Variants in ATF7IP2 observed in about 807,000 individuals in gnomAD.
ATF7IP2 encodes the protein activating transcription factor 7-interacting protein 2.
A neutral mutation model predicts 64.2 loss-of-function variants in ATF7IP2; 42 were observed. The ratio of observed to expected loss-of-function variants is 0.65; its 90% CI spans 0.51 to 0.85. ATF7IP2 has a LOEUF of 0.85. Among genes scored for constraint, ATF7IP2 ranks in the 40% least tolerant of loss-of-function variants. The pLI is 0.00. For synonymous variants in ATF7IP2, 308 were observed against 272.8 expected (o/e 1.13, Z -1.27); for missense variants, 933 against 784.2 (o/e 1.19, Z -2.27).
intron 9 of ATF7IP2, among the ~76,000 whole-genome samples, chr16:10,465,428 G>T (rs755791514): frequency 1.3e-5 from 2 of 151,860 alleles, no homozygotes; most frequent in Non-Finnish European, 2.9e-5. Flanking sequence ...AGTTTCCTCA[G>T]TTTCCCTCCC....
intron 9 of ATF7IP2, among the ~76,000 whole-genome samples, chr16:10,469,397 T>C (rs2142058379): frequency 6.6e-6 from 1 of 152,044 alleles, no homozygotes; most frequent in East Asian, 1.9e-4. Context: ...GAAGATACAG[T>C]GTCTGAAAAT....
intron 8 of ATF7IP2, chr16:10,449,395 C>G (rs775500218): frequency 1.1e-4 from 16 of 152,320 alleles, no homozygotes; most frequent in African/African-American, 3.6e-4. Context: ...ACCAGCTCCT[C>G]TTTGTACCTC....
intron 9 of ATF7IP2, among the ~76,000 whole-genome samples, chr16:10,466,528 A>G (rs9935483): frequency 0.082 from 12,249 of 149,566 alleles, 1,019 homozygotes; most frequent in African/African-American, 0.21. Flanking sequence ...ATCCTTGCCA[A>G]CTCTTGGTGG....
intron 1 of ATF7IP2, among the ~76,000 whole-genome samples, chr16:10,390,262 A>G (rs1368472847): frequency 2.6e-5 from 4 of 152,220 alleles, no homozygotes; most frequent in Admixed American, 6.5e-5. Flanking sequence ...ACTTCGAACT[A>G]TAACAGGAAA....
intron 1 of ATF7IP2, among the ~76,000 whole-genome samples, chr16:10,404,054 G>T (rs2047586286): frequency 6.6e-6 from 1 of 152,114 alleles, no homozygotes; most frequent in Admixed American, 6.5e-5. Flanking sequence ...TCTAGCAAAA[G>T]ATTCAGACAT....
intron 9 of ATF7IP2, among the ~76,000 whole-genome samples, chr16:10,459,762 G>A (rs1324555073): frequency 7.9e-5 from 12 of 152,124 alleles, no homozygotes; most frequent in African/African-American, 2.7e-4. Context: ...AAATAAATTC[G>A]TGGCAAACTC....
intron 13 of ATF7IP2, 148 bp downstream of exon 13, chr16:10,481,112 A>T (rs2050206690): frequency 3.3e-6 from 2 of 612,250 alleles, no homozygotes; most frequent in Admixed American, 6.1e-5. Flanking sequence ...ATACAATTAA[A>T]ATTATTCAGT....
intron 8 of ATF7IP2, among the ~76,000 whole-genome samples, chr16:10,443,577 C>G (rs2048702734): frequency 6.6e-6 from 1 of 152,198 alleles, no homozygotes; most frequent in South Asian, 2.1e-4. Context: ...GGTATCCAGT[C>G]TCAATTGCTA....
At chr16:10,461,085 T>C (rs2142024965) in intron 9 of ATF7IP2, among the ~76,000 whole-genome samples, 1 of 152,258 alleles carries the variant, frequency 6.6e-6, no homozygotes, top group South Asian at 2.1e-4. Flanking sequence ...AATATACATA[T>C]GAAAAGGTGT....
At chr16:10,396,428 G>A (rs867246191) in intron 1 of ATF7IP2, among the ~76,000 whole-genome samples, 9 of 152,026 alleles carry the variant, frequency 5.9e-5, no homozygotes, top group African/African-American at 1.2e-4. Flanking sequence ...CTATGCTGTC[G>A]GGGTCATATC....
At chr16:10,458,905 G>A (rs1441742065) in intron 9 of ATF7IP2, among the ~76,000 whole-genome samples, 1 of 152,192 alleles carries the variant, frequency 6.6e-6, no homozygotes, top group Non-Finnish European at 1.5e-5. Flanking sequence ...AATTAATGTG[G>A]CTGGGCGCGG....
chr16:10,440,156 A>T (rs1387602509), intron 7 of ATF7IP2, among the ~76,000 whole-genome samples: 1 of 151,910 alleles, frequency 6.6e-6, no homozygotes, highest in Non-Finnish European at 1.5e-5. Flanking sequence ...GCGAAACTCC[A>T]TCTCAAAAAA....
At chr16:10,400,402 A>C (rs556110698) in intron 1 of ATF7IP2, among the ~76,000 whole-genome samples, 1 of 152,300 alleles carries the variant, frequency 6.6e-6, no homozygotes, top group South Asian at 2.1e-4. Flanking sequence ...TTTTTGGAAG[A>C]GTCTTCAGGA....
intron 8 of ATF7IP2, among the ~76,000 whole-genome samples, chr16:10,455,632 A>G (rs1359144604): frequency 2.0e-5 from 3 of 152,190 alleles, no homozygotes; most frequent in Non-Finnish European, 4.4e-5. Context: ...AGGAGTTTTG[A>G]GGAGCATGCT....
intron 2 of ATF7IP2, among the ~76,000 whole-genome samples, chr16:10,418,239 G>A (rs564822748): frequency 3.3e-5 from 5 of 152,310 alleles, no homozygotes; most frequent in South Asian, 4.1e-4. Context: ...GTTCAGGAAC[G>A]CCTTAAGCGG....
intron 3 of ATF7IP2, among the ~76,000 whole-genome samples, chr16:10,420,675 T>A (rs939765042): frequency 3.3e-5 from 5 of 152,246 alleles, no homozygotes; most frequent in Non-Finnish European, 7.3e-5. Flanking sequence ...AACTGCTGTT[T>A]GCAATTGGGA....
intron 8 of ATF7IP2, among the ~76,000 whole-genome samples, chr16:10,443,127 C>T (rs1039016246): frequency 3.3e-5 from 5 of 152,082 alleles, no homozygotes; most frequent in African/African-American, 1.2e-4. Context: ...GCAGAGTGTC[C>T]AATAAGGGTC....
chr16:10,439,961 A>T (rs1333914645), intron 7 of ATF7IP2, among the ~76,000 whole-genome samples: 1 of 151,156 alleles, frequency 6.6e-6, no homozygotes, highest in Non-Finnish European at 1.5e-5. Context: ...CAGGAGTTCA[A>T]ACCAGCCTGA....
At chr16:10,421,547 G>C (rs924142290) in intron 3 of ATF7IP2, among the ~76,000 whole-genome samples, 1 of 152,144 alleles carries the variant, frequency 6.6e-6, no homozygotes, top group Non-Finnish European at 1.5e-5. Context: ...ACGTATGGTT[G>C]CTTTCTGTGG....
Sources: allele counts gnomAD v4.1 joint callset (sites outside exome capture counted in the v4.1 genomes callset), GRCh38; gene constraint gnomAD v4.1.1; transcripts MANE v1.5; gene names NCBI Gene and HGNC (gene_info 2026-07-23, HGNC 2026-07-21).